Variants in IMMP2L observed in about 807,000 individuals in gnomAD.
IMMP2L encodes the protein inner mitochondrial membrane peptidase subunit 2, also known as mitochondrial inner membrane protease subunit 2.
Under a neutral mutation model 19.3 loss-of-function variants are expected in IMMP2L, and 18 were observed. That is an observed-to-expected ratio of 0.93 (90% confidence interval 0.64 to 1.38). The LOEUF (loss-of-function observed/expected upper bound fraction) is 1.38, where lower values mean the gene tolerates loss of function less well. Among genes scored for constraint, IMMP2L ranks in the 40% most tolerant of loss-of-function variants. The pLI, the probability that IMMP2L is intolerant of heterozygous loss-of-function variation, is 0.00. For synonymous variants in IMMP2L, 76 were observed against 73.0 expected (o/e 1.04, Z -0.21); for missense variants, 233 against 218.2 (o/e 1.07, Z -0.43).
intron 3 of IMMP2L, among the ~76,000 whole-genome samples, chr7:111,458,465 A>G (rs1473588076): frequency 6.6e-6 from 1 of 152,116 alleles, no homozygotes; most frequent in Non-Finnish European, 1.5e-5. Flanking sequence ...ATAACTTACC[A>G]TTGTACCACC....
At chr7:111,527,213 G>C (rs755805230) in intron 1 of IMMP2L, among the ~76,000 whole-genome samples, 3 of 152,106 alleles carry the variant, frequency 2.0e-5, no homozygotes, top group Non-Finnish European at 4.4e-5. Flanking sequence ...CAGGTCAGGA[G>C]TTCGAGGCCA....
intron 4 of IMMP2L, among the ~76,000 whole-genome samples, chr7:110,905,981 C>T (rs1310157514): frequency 1.3e-5 from 2 of 152,290 alleles, no homozygotes; most frequent in East Asian, 3.9e-4. Context: ...CCATACTGCA[C>T]TATTTACCAC....
At chr7:111,105,094 C>T (rs1798396676) in intron 3 of IMMP2L, among the ~76,000 whole-genome samples, 2 of 151,844 alleles carry the variant, frequency 1.3e-5, no homozygotes, top group Admixed American at 1.3e-4. Context: ...CTAAAGGTCT[C>T]ATTGAGACAA....
At chr7:111,532,459 T>C (rs1399221308) in intron 1 of IMMP2L, 2 of 152,130 alleles carry the variant, frequency 1.3e-5, no homozygotes, top group Non-Finnish European at 2.9e-5. Flanking sequence ...TATATTGCTA[T>C]CTATACTAGA....
chr7:111,432,517 G>C (rs1036655296), intron 3 of IMMP2L, among the ~76,000 whole-genome samples: 1 of 151,662 alleles, frequency 6.6e-6, no homozygotes, highest in Non-Finnish European at 1.5e-5. Flanking sequence ...ATTCAGCATG[G>C]CTTCGTGATA....
chr7:111,164,303 A>C (rs909948332), intron 3 of IMMP2L, among the ~76,000 whole-genome samples: 1 of 152,074 alleles, frequency 6.6e-6, no homozygotes, highest in Non-Finnish European at 1.5e-5. Flanking sequence ...AACAAGGTAG[A>C]GCTCTGGGAA....
rs369683425 is a variant in IMMP2L, at chr7:111,358,114, C to G, written c.239+129124G>C. Among the ~76,000 whole-genome samples, 6 of 150,704 alleles carry G rather than the reference C, an allele frequency of 4.0e-5. No homozygotes were observed. The East Asian group carries it at 7.8e-4, about 20-fold the overall frequency. ...TCATTTGGCTTGTTTTTGCTATACCCTCTGGGTGCCTCACACTCTAGAATG... is the reference window on the plus strand; with the variant it reads ...TCATTTGGCTTGTTTTTGCTATACCGTCTGGGTGCCTCACACTCTAGAATG... On this transcript the variant is annotated intron_variant, in intron 3 of 5. Coordinates refer to ENST00000405709, the MANE Select transcript of IMMP2L (RefSeq NM_032549.4).
intron 3 of IMMP2L, among the ~76,000 whole-genome samples, chr7:111,002,265 A>T (rs780374793): frequency 2.6e-5 from 4 of 152,162 alleles, no homozygotes; most frequent in African/African-American, 9.6e-5. Context: ...GCCCAGAGGG[A>T]TAAGTAAGCC....
intron 5 of IMMP2L, chr7:110,724,551 A>G (rs988231860): frequency 2.6e-5 from 4 of 152,168 alleles, no homozygotes; most frequent in African/African-American, 9.7e-5. Flanking sequence ...GTAATGTTGC[A>G]GCTTCTCTGA....
chr7:111,560,593 A>G (rs928755351), intron 1 of IMMP2L, among the ~76,000 whole-genome samples: 3 of 152,246 alleles, frequency 2.0e-5, no homozygotes, highest in Admixed American at 6.5e-5. Flanking sequence ...ACAACACTGT[A>G]TAGACCTGCA....
intron 3 of IMMP2L, among the ~76,000 whole-genome samples, chr7:111,342,708 T>C (rs935484588): frequency 4.6e-5 from 7 of 152,100 alleles, no homozygotes; most frequent in African/African-American, 1.7e-4. Flanking sequence ...AATATAATTA[T>C]ATATAATTTT....
chr7:111,507,948 T>G (rs1167331868), intron 2 of IMMP2L, among the ~76,000 whole-genome samples: 1 of 152,172 alleles, frequency 6.6e-6, no homozygotes, highest in Non-Finnish European at 1.5e-5. Flanking sequence ...ACTTGAGCAG[T>G]ATTTGCTTAT....
intron 3 of IMMP2L, among the ~76,000 whole-genome samples, chr7:111,336,133 T>G (rs1385330736): frequency 1.3e-5 from 2 of 151,886 alleles, no homozygotes; most frequent in Non-Finnish European, 2.9e-5. Flanking sequence ...CACTGCAGCC[T>G]CAAACTCCCA....
At chr7:110,695,163 G>A (rs1202969793) in intron 5 of IMMP2L, among the ~76,000 whole-genome samples, 2 of 152,086 alleles carry the variant, frequency 1.3e-5, no homozygotes, top group Non-Finnish European at 2.9e-5. Context: ...TCATAAAAAT[G>A]TTTGATGACA....
intron 3 of IMMP2L, among the ~76,000 whole-genome samples, chr7:111,316,848 T>TTC (rs1824151318): frequency 7.8e-6 from 1 of 127,888 alleles, no homozygotes; most frequent in African/African-American, 3.2e-5. Flanking sequence ...TTTTTTTCTT[T>TTC]TTTTTTTTTT....
chr7:111,200,836 A>G (rs1586801523), intron 3 of IMMP2L, among the ~76,000 whole-genome samples: 1 of 152,310 alleles, frequency 6.6e-6, no homozygotes, highest in South Asian at 2.1e-4. Flanking sequence ...AGGCATTACA[A>G]ACAATAGGAA....
rs563036425 is a variant in IMMP2L at position 110,675,767 on chromosome 7, T to C, written c.409-12046A>G. 2.2e-4 allele frequency among the ~76,000 whole-genome samples: 34 copies of C among 152,260 alleles called. 1 individual carries two copies. In the South Asian group the frequency reaches 6.6e-3, roughly 30 times the overall value. ...TAATCACAAATGAAACTTTAAGAAA[T>C]TCCCTAAGCATAGTGTGACCATGCA... On this transcript the variant is annotated intron_variant, in intron 5 of 5. Coordinates refer to ENST00000405709, the MANE Select transcript of IMMP2L (RefSeq NM_032549.4).
chr7:110,781,580 A>G (rs1799748016), intron 5 of IMMP2L, among the ~76,000 whole-genome samples: 1 of 151,798 alleles, frequency 6.6e-6, no homozygotes. Context: ...TTTTTCCAAG[A>G]AAACCATGCA....
intron 5 of IMMP2L, among the ~76,000 whole-genome samples, chr7:110,754,905 A>G (rs557839854): frequency 2.0e-5 from 3 of 149,522 alleles, no homozygotes; most frequent in South Asian, 2.1e-4. Context: ...AGCACGTTCT[A>G]TTTTTTTTTT....
Sources: gnomAD v4.1 joint callset for allele counts (sites outside exome capture counted in the v4.1 genomes callset) on GRCh38, gnomAD v4.1.1 for gene constraint, MANE v1.5 for transcripts, NCBI Gene and HGNC (gene_info 2026-07-23, HGNC 2026-07-21) for gene names.